ANO1: variants seen among roughly 807,000 people sequenced by gnomAD.
ANO1 encodes anoctamin 1, also known as anoctamin-1.
A neutral mutation model predicts 124.0 loss-of-function variants in ANO1; 59 were observed. The observed-to-expected ratio is 0.48, with a 90% CI of 0.39 to 0.59. The LOEUF is 0.59. ANO1 is among the 20% of genes least tolerant of loss of function. The pLI, the probability that ANO1 is intolerant of heterozygous loss-of-function variation, is 0.00. For missense variants in ANO1, 1,059 were observed against 1,328.0 expected (o/e 0.80, Z 3.15); for synonymous variants, 529 against 532.0 (o/e 0.99, Z 0.08).
rs569460444 is a variant in ANO1 at position 70,088,567 on chromosome 11, T to C, written c.441+483T>C. On this transcript the variant is annotated intron_variant, in intron 2 of 25. Coordinates refer to ENST00000355303, the MANE Select transcript of ANO1 (RefSeq NM_018043.7). ...GGGCAGCAGACAAAAACACTGTTCT[T>C]GTTAAGGTGGGGTAGAAATTGCTTT... Among the ~76,000 whole-genome samples the C allele has an allele frequency of 1.2e-4, 18 of 151,698 alleles. No homozygotes were observed. In the East Asian group the frequency reaches 3.5e-3, roughly 29 times the overall value.
chr11:70,153,910 C>T (rs1305489968), intron 14 of ANO1, among the ~76,000 whole-genome samples: 2 of 151,968 alleles, frequency 1.3e-5, no homozygotes, highest in Non-Finnish European at 2.9e-5. Flanking sequence ...GGACTACAGG[C>T]GCGTACCACC....
intron 1 of ANO1, among the ~76,000 whole-genome samples, chr11:70,066,629 C>T (rs868921246): frequency 9.4e-5 from 10 of 106,618 alleles, no homozygotes; most frequent in Non-Finnish European, 9.3e-5. Context: ...GATTTGGTGG[C>T]GGGGGCGGGG....
At chr11:70,126,789 G>A in intron 10 of ANO1, among the ~76,000 whole-genome samples, 1 of 151,366 alleles carries the variant, frequency 6.6e-6, no homozygotes, top group Non-Finnish European at 1.5e-5. Context: ...TGCGGGAGGT[G>A]AGACGTGAAT....
intron 1 of ANO1, among the ~76,000 whole-genome samples, chr11:70,086,889 G>C (rs930222096): frequency 6.6e-6 from 1 of 152,226 alleles, no homozygotes; most frequent in Admixed American, 6.5e-5. Context: ...GGCTCTGTTT[G>C]GGGGAGAGCC....
At chr11:69,972,522 A>G in the ANO1 span, among the ~76,000 whole-genome samples, 4 of 152,192 alleles carry the variant, frequency 2.6e-5, no homozygotes, top group Non-Finnish European at 5.9e-5. Context: ...TGAAAACTGT[A>G]AAGTGCTATA....
chr11:70,023,442 A>C (rs546063525), intron 1 of ANO1, among the ~76,000 whole-genome samples: 3 of 152,334 alleles, frequency 2.0e-5, no homozygotes, highest in East Asian at 3.9e-4. Context: ...ATGCCAACAC[A>C]ATGAATGTCC....
intron 13 of ANO1, 105 bp downstream of exon 13, chr11:70,152,566 C>A (rs2047648148): frequency 7.5e-7 from 1 of 1,336,322 alleles, no homozygotes; most frequent in Non-Finnish European, 1.1e-6. Flanking sequence ...TCCCGCAGTT[C>A]CTCCACGCGG....
intron 24 of ANO1, among the ~76,000 whole-genome samples, chr11:70,183,113 G>T (rs1565288021): frequency 6.6e-6 from 1 of 152,098 alleles, no homozygotes; most frequent in Non-Finnish European, 1.5e-5. Flanking sequence ...TATCTATAAA[G>T]AAATAAACAA....
chr11:70,078,655 G>C lies in ANO1; in HGVS notation c.49G>C (p.Val17Leu). 6.7e-7 allele frequency: 1 copy of C among 1,502,444 alleles called. No individual in the cohort carries two copies. Among genetic ancestry groups the C allele is most frequent in the Non-Finnish European group, 9.0e-7 (1 of 1,115,550 alleles). 93.1% of individuals were successfully genotyped at this position (1,502,444 alleles called of 1,614,324 possible). A position where few individuals can be genotyped will look rare whatever the true frequency, so the allele number is the denominator to read the frequency against. Residue 17 changes from valine to leucine, a missense_variant, in exon 1 of 26, where the codon GTC becomes CTC. Coordinates refer to ENST00000355303, the MANE Select transcript of ANO1 (RefSeq NM_018043.7). ...YSTLPAEDRS[V>L]HIINICAIED... ...GACGCTCCCGGCCGAGGACCGCAGCGTCCACATCATCAACATCTGCGCCAT... is the reference window on the plus strand; with the variant it reads ...GACGCTCCCGGCCGAGGACCGCAGCCTCCACATCATCAACATCTGCGCCAT...
intron 11 of ANO1, among the ~76,000 whole-genome samples, chr11:70,143,582 C>T (rs2047237097): frequency 2.0e-5 from 3 of 152,082 alleles, no homozygotes; most frequent in South Asian, 4.1e-4. Flanking sequence ...TTCCGGGGAC[C>T]CTGGGTGACT....
intron 2 of ANO1, among the ~76,000 whole-genome samples, chr11:70,092,742 G>A (rs1464172390): frequency 2.0e-5 from 3 of 152,150 alleles, no homozygotes; most frequent in Non-Finnish European, 2.9e-5. Context: ...GGAGCACTGT[G>A]TGGTACCCCA....
At chr11:70,101,185 G>A (rs971934459) in intron 2 of ANO1, among the ~76,000 whole-genome samples, 17 of 152,082 alleles carry the variant, frequency 1.1e-4, no homozygotes, top group Non-Finnish European at 2.2e-4. Context: ...CTCTCTGCTG[G>A]ACCTGGAAGC....
At chr11:69,984,691 G>A (rs1355506777), upstream of ANO1, among the ~76,000 whole-genome samples, 1 of 152,156 alleles carries the variant, frequency 6.6e-6, no homozygotes, top group East Asian at 1.9e-4. Context: ...TGTCCTCCAG[G>A]GGTAGCCGGG....
intron 22 of ANO1, among the ~76,000 whole-genome samples, chr11:70,178,397 A>G (rs1279336024): frequency 6.6e-6 from 1 of 152,094 alleles, no homozygotes; most frequent in Non-Finnish European, 1.5e-5. Flanking sequence ...CAGAAAAATA[A>G]ACTGAGGACC....
chr11:70,131,807 C>A, intron 10 of ANO1, 112 bp from the exon 11 acceptor site: 1 of 1,347,578 alleles, frequency 7.4e-7, no homozygotes, highest in Non-Finnish European at 1.0e-6. Context: ...CTGAGGGACC[C>A]TCGCCAACCC....
chr11:70,050,287 G>A (rs1857332356), intron 1 of ANO1, among the ~76,000 whole-genome samples: 1 of 152,108 alleles, frequency 6.6e-6, no homozygotes, highest in South Asian at 2.1e-4. Context: ...TTTGAATTTC[G>A]GTGACTATTG....
At chr11:70,112,219 C>G (rs949021770) in intron 7 of ANO1, among the ~76,000 whole-genome samples, 1 of 152,196 alleles carries the variant, frequency 6.6e-6, no homozygotes, top group Non-Finnish European at 1.5e-5. Context: ...CAGTGGCTGA[C>G]TTGGGGTGGA....
intron 1 of ANO1, among the ~76,000 whole-genome samples, chr11:69,993,769 A>G (rs1554997934): frequency 6.6e-6 from 1 of 152,192 alleles, no homozygotes; most frequent in Non-Finnish European, 1.5e-5. Flanking sequence ...TTCTGTCTTC[A>G]TGGCCTGCCT....
At chr11:69,990,378 C>T (rs879948566) in intron 1 of ANO1, among the ~76,000 whole-genome samples, 42 of 152,276 alleles carry the variant, frequency 2.8e-4, no homozygotes, top group Non-Finnish European at 4.6e-4. Flanking sequence ...TACCACATTG[C>T]GTTTGTCCAT....
Sources: allele counts gnomAD v4.1 joint callset (sites outside exome capture counted in the v4.1 genomes callset), GRCh38; gene constraint gnomAD v4.1.1; transcripts MANE v1.5; gene names NCBI Gene and HGNC (gene_info 2026-07-23, HGNC 2026-07-21).